The following SCHIP1 variants were observed in gnomAD, a reference collection of about 807,000 sequenced individuals.
SCHIP1 encodes the protein schwannomin interacting protein 1, also known as schwannomin-interacting protein 1.
In SCHIP1, 8 loss-of-function variants were observed where a neutral mutation model predicts 29.7. That is an observed-to-expected ratio of 0.27 (90% CI 0.16 to 0.49). The LOEUF (loss-of-function observed/expected upper bound fraction) is 0.49, where lower values mean the gene tolerates loss of function less well. Ranked by LOEUF, SCHIP1 falls within the 20% of genes least tolerant of loss-of-function variation. The pLI is 0.99. For synonymous variants in SCHIP1, 76 were observed against 94.9 expected, an observed-to-expected ratio of 0.80 and a Z score of 1.16; for missense variants, 193 against 294.6, an observed-to-expected ratio of 0.66 and a Z score of 2.52.
the SCHIP1 span, among the ~76,000 whole-genome samples, chr3:159,363,255 G>T: frequency 0.21 from 30,596 of 146,986 alleles, 4,334 homozygotes; most frequent in African/African-American, 0.4. Flanking sequence ...AATAAGTAAA[G>T]CATTTTAATA....
chr3:159,386,078 C>A, the SCHIP1 span, among the ~76,000 whole-genome samples: 5 of 152,166 alleles, frequency 3.3e-5, no homozygotes, highest in African/African-American at 1.2e-4. Context: ...GCCACATTTT[C>A]TTTATCTAGT....
At chr3:159,343,551 T>A in the SCHIP1 span, among the ~76,000 whole-genome samples, 26 of 152,196 alleles carry the variant, frequency 1.7e-4, no homozygotes, top group African/African-American at 6.3e-4. Context: ...GTTCTTTTGA[T>A]GGCAAATCAC....
chr3:159,587,384 T>TA, the SCHIP1 span, among the ~76,000 whole-genome samples: 4,879 of 146,046 alleles, frequency 0.033, 127 homozygotes, highest in African/African-American at 0.079. Context: ...ACAATTGCTT[T>TA]AAAAAAAAAA....
At chr3:159,867,622 C>T (rs1002337274) in intron 2 of SCHIP1, among the ~76,000 whole-genome samples, 2 of 152,180 alleles carry the variant, frequency 1.3e-5, no homozygotes, top group Non-Finnish European at 2.9e-5. Flanking sequence ...TGTTCCTACA[C>T]ATCCCTCCAG....
chr3:159,709,962 A>G, the SCHIP1 span, among the ~76,000 whole-genome samples: 1 of 152,360 alleles, frequency 6.6e-6, no homozygotes, highest in African/African-American at 2.4e-5. Flanking sequence ...TGTGGAGAAA[A>G]GGGAACCCTT....
At chr3:159,886,346 T>C (rs764046514) in intron 3 of SCHIP1, 22 bp downstream of exon 4, 2 of 1,603,374 alleles carry the variant, frequency 1.2e-6, no homozygotes, top group Middle Eastern at 1.7e-4. Context: ...CAGCACCAGC[T>C]GAAGCTCGGT....
At chr3:159,472,959 A>C in the SCHIP1 span, among the ~76,000 whole-genome samples, 1 of 152,224 alleles carries the variant, frequency 6.6e-6, no homozygotes, top group East Asian at 1.9e-4. Flanking sequence ...CTATACCAAC[A>C]CATTAGGTAG....
chr3:159,588,403 C>T, the SCHIP1 span, among the ~76,000 whole-genome samples: 17 of 152,244 alleles, frequency 1.1e-4, no homozygotes, highest in East Asian at 3.3e-3. Context: ...AATTTTCTCC[C>T]ATTCTGTAGG....
chr3:159,886,126 A>T, intron 2 of SCHIP1, 81 bp from the exon 4 acceptor site: 2 of 1,483,184 alleles, frequency 1.3e-6, no homozygotes, highest in Non-Finnish European at 1.9e-6. Flanking sequence ...ACTTTCTGTT[A>T]GCAAAATCAG....
At chr3:159,621,110 T>C in the SCHIP1 span, among the ~76,000 whole-genome samples, 38 of 152,176 alleles carry the variant, frequency 2.5e-4, no homozygotes, top group African/African-American at 8.4e-4. Context: ...GGCTATGTGA[T>C]GAGAAACACT....
chr3:159,573,769 T>C, the SCHIP1 span, among the ~76,000 whole-genome samples: 1 of 152,228 alleles, frequency 6.6e-6, no homozygotes, highest in Non-Finnish European at 1.5e-5. Context: ...ATTTGGTCTT[T>C]TCATATAGTC....
chr3:159,357,447 C>G, the SCHIP1 span, among the ~76,000 whole-genome samples: 1 of 152,154 alleles, frequency 6.6e-6, no homozygotes, highest in Non-Finnish European at 1.5e-5. Flanking sequence ...TGCACACAGA[C>G]TGGAAAATCA....
At chr3:159,870,670 ATAAT>A (rs1715160940) in intron 2 of SCHIP1, among the ~76,000 whole-genome samples, 1 of 152,026 alleles carries the variant, frequency 6.6e-6, no homozygotes, top group Non-Finnish European at 1.5e-5. Context: ...ATCTGAGTAA[ATAAT>A]TATAAATAAA....
At chr3:159,673,325 A>G in the SCHIP1 span, among the ~76,000 whole-genome samples, 3 of 152,244 alleles carry the variant, frequency 2.0e-5, no homozygotes, top group African/African-American at 7.2e-5. Context: ...TTACTTCTCC[A>G]GCACTTCAAA....
At chr3:159,776,867 G>C in the SCHIP1 span, among the ~76,000 whole-genome samples, 513 of 152,262 alleles carry the variant, frequency 3.4e-3, 1 homozygote, top group African/African-American at 0.012. Flanking sequence ...AGGGAGGCCA[G>C]AGCAAGGGTG....
the SCHIP1 span, among the ~76,000 whole-genome samples, chr3:159,478,211 C>T: frequency 6.6e-6 from 1 of 152,226 alleles, no homozygotes; most frequent in East Asian, 1.9e-4. Flanking sequence ...GCATGAGCCA[C>T]CACACCCAGC....
intron 6 of SCHIP1, chr3:159,894,074 T>G (rs1717823006): frequency 6.6e-6 from 1 of 152,312 alleles, no homozygotes; most frequent in African/African-American, 2.4e-5. Flanking sequence ...TAGTTCTCAA[T>G]TTGGGTTGCA....
At chr3:159,297,315 A>G in the SCHIP1 span, among the ~76,000 whole-genome samples, 1 of 152,214 alleles carries the variant, frequency 6.6e-6, no homozygotes, top group Non-Finnish European at 1.5e-5. Flanking sequence ...ATATAAACCC[A>G]GAAGTGGGAT....
chr3:159,836,735 A>G (rs1475824906), upstream of SCHIP1, among the ~76,000 whole-genome samples: 1 of 152,164 alleles, frequency 6.6e-6, no homozygotes, highest in Admixed American at 6.5e-5. Flanking sequence ...AGAAAAAAAA[A>G]ATCCCTATGC....
Sources: gnomAD v4.1 joint callset for allele counts (sites outside exome capture counted in the v4.1 genomes callset) on GRCh38, gnomAD v4.1.1 for gene constraint, MANE v1.5 for transcripts, NCBI Gene and HGNC (gene_info 2026-07-23, HGNC 2026-07-21) for gene names.